The following ABLIM1 variants were observed in gnomAD, a reference collection of about 807,000 sequenced individuals.
ABLIM1 encodes actin binding LIM protein 1.
In ABLIM1, 40 loss-of-function variants were observed where a neutral mutation model predicts 107.0. That is an observed-to-expected ratio of 0.37 (90% confidence interval 0.29 to 0.49). The LOEUF (loss-of-function observed/expected upper bound fraction) is 0.49. Among genes scored for constraint, ABLIM1 ranks in the 20% least tolerant of loss-of-function variants. The pLI is 0.97. For missense variants in ABLIM1, 857 were observed against 1,008.5 expected (o/e 0.85, Z 2.04); for synonymous variants, 357 against 357.3 (o/e 1.00, Z 0.01).
chr10:114,615,625 T>A, intron 1 of ABLIM1: 1 of 447,946 alleles, frequency 2.2e-6, no homozygotes, highest in South Asian at 1.6e-5. Context: ...ATGTTCAATA[T>A]GTTCATGTTT....
intron 1 of ABLIM1, among the ~76,000 whole-genome samples, chr10:114,705,837 G>T (rs776222813): frequency 6.6e-6 from 1 of 152,234 alleles, no homozygotes; most frequent in Non-Finnish European, 1.5e-5. Flanking sequence ...GATATATCTT[G>T]TTTTATGTGG....
At chr10:114,567,376 G>T (rs1184554111) in intron 4 of ABLIM1, among the ~76,000 whole-genome samples, 1 of 152,168 alleles carries the variant, frequency 6.6e-6, no homozygotes, top group African/African-American at 2.4e-5. Flanking sequence ...TCTGAAAAGG[G>T]GATAGTATTA....
chr10:114,798,147 G>A, the ABLIM1 span, among the ~76,000 whole-genome samples: 6 of 152,136 alleles, frequency 3.9e-5, no homozygotes, highest in South Asian at 2.1e-4. Context: ...TTGGCCGGGC[G>A]CGGTGGCTCA....
chr10:114,480,920 C>T (rs1004442946), intron 8 of ABLIM1, among the ~76,000 whole-genome samples: 2 of 152,194 alleles, frequency 1.3e-5, no homozygotes, highest in Admixed American at 6.5e-5. Flanking sequence ...TAAAACATGG[C>T]ATTTAATTAC....
chr10:114,681,524 G>C (rs552604460), intron 1 of ABLIM1, among the ~76,000 whole-genome samples: 1 of 152,288 alleles, frequency 6.6e-6, no homozygotes, highest in Admixed American at 6.5e-5. Flanking sequence ...CACCAGGGAT[G>C]TGCTTCCCAC....
At chr10:114,662,240 TG>T (rs1446422593), upstream of ABLIM1, among the ~76,000 whole-genome samples, 4 of 152,216 alleles carry the variant, frequency 2.6e-5, no homozygotes, top group Non-Finnish European at 5.9e-5. Flanking sequence ...TCATTTTTGT[TG>T]TTGTTTTTTA....
the ABLIM1 span, among the ~76,000 whole-genome samples, chr10:114,791,648 A>AT: frequency 2.0e-5 from 3 of 151,982 alleles, no homozygotes; most frequent in Non-Finnish European, 2.9e-5. Context: ...AAAAAAAAAA[A>AT]CAAAAACAAG....
chr10:114,632,545 G>A, intron 1 of ABLIM1: 1 of 985,236 alleles, frequency 1.0e-6, no homozygotes, highest in Non-Finnish European at 1.2e-6. Context: ...ACTTTCTTAT[G>A]AAAAATGAAT....
At chr10:114,652,988 T>C (rs977986473) in intron 1 of ABLIM1, among the ~76,000 whole-genome samples, 10 of 152,182 alleles carry the variant, frequency 6.6e-5, no homozygotes, top group African/African-American at 1.9e-4. Flanking sequence ...CAATATTATT[T>C]ACAAACTTTA....
At chr10:114,798,149 G>A in the ABLIM1 span, among the ~76,000 whole-genome samples, 2 of 152,136 alleles carry the variant, frequency 1.3e-5, no homozygotes, top group African/African-American at 2.4e-5. Flanking sequence ...GGCCGGGCGC[G>A]GTGGCTCATG....
chr10:114,545,731 T>C (rs1565892069), intron 5 of ABLIM1, among the ~76,000 whole-genome samples: 2 of 151,714 alleles, frequency 1.3e-5, no homozygotes, highest in African/African-American at 4.8e-5. Context: ...TTGAGACCAG[T>C]CTGGCCAACA....
At chr10:114,690,490 A>G (rs192968611) in intron 1 of ABLIM1, 1 of 1,556,476 alleles carries the variant, frequency 6.4e-7, no homozygotes, top group East Asian at 2.2e-5. Flanking sequence ...TGAAAGCGGG[A>G]GCCCTTACAA....
intron 1 of ABLIM1, among the ~76,000 whole-genome samples, chr10:114,610,362 T>C (rs1056216160): frequency 1.4e-4 from 21 of 152,210 alleles, no homozygotes; most frequent in African/African-American, 4.8e-4. Flanking sequence ...GATGCTCCTC[T>C]GTATGGTAAG....
At chr10:114,705,599 C>T (rs1460777072) in intron 1 of ABLIM1, among the ~76,000 whole-genome samples, 1 of 152,098 alleles carries the variant, frequency 6.6e-6, no homozygotes, top group African/African-American at 2.4e-5. Flanking sequence ...ACAGAAAATA[C>T]AAGAAGTCAT....
intron 1 of ABLIM1, among the ~76,000 whole-genome samples, chr10:114,649,400 AAAATAAATAAATAAATAAATAAAT>A (rs57772186): frequency 8.1e-5 from 11 of 136,320 alleles, no homozygotes; most frequent in Admixed American, 3.7e-4. Flanking sequence ...AGACTCTGTC[AAAATAAATAAATAAATAAATAAAT>A]AAATAAATAA....
At chr10:114,513,884 T>A (rs1332239288) in intron 6 of ABLIM1, among the ~76,000 whole-genome samples, 1 of 152,146 alleles carries the variant, frequency 6.6e-6, no homozygotes, top group Non-Finnish European at 1.5e-5. Context: ...CAAGTTTGGG[T>A]CATACTGCAA....
Position 114,436,087 on chromosome 10 carries a change from C to A in ABLIM1, c.*173G>T. The A allele has an allele frequency of 1.7e-6, 1 of 590,068 alleles. No individual in the cohort carries two copies. The allele number at this position is 590,068 out of a possible 1,614,324, so 36.6% of individuals were successfully genotyped here. Reference sequence around the variant, plus strand: ...ACGCCATGCTTCTTGGCAAGTGTTACTGTTGGCTGGCCCGACATTTGACTC... The same window carrying A: ...ACGCCATGCTTCTTGGCAAGTGTTAATGTTGGCTGGCCCGACATTTGACTC... On this transcript the variant is annotated 3_prime_UTR_variant, in exon 23 of 23. Transcript: ENST00000533213.
intron 6 of ABLIM1, among the ~76,000 whole-genome samples, chr10:114,516,894 T>C (rs962891484): frequency 3.3e-5 from 5 of 152,234 alleles, no homozygotes; most frequent in Non-Finnish European, 7.3e-5. Flanking sequence ...CTTATTTTGC[T>C]GAATTCAGTA....
At chr10:114,463,802 G>A (rs1421552892) in intron 12 of ABLIM1, among the ~76,000 whole-genome samples, 2 of 152,142 alleles carry the variant, frequency 1.3e-5, no homozygotes, top group African/African-American at 2.4e-5. Flanking sequence ...AGAACTTGTG[G>A]AGTGGACACT....
Sources: allele counts gnomAD v4.1 joint callset (sites outside exome capture counted in the v4.1 genomes callset), GRCh38; gene constraint gnomAD v4.1.1; transcripts MANE v1.5; gene names NCBI Gene and HGNC (gene_info 2026-07-23, HGNC 2026-07-21).